The following TENM4 variants were observed in gnomAD, a reference collection of about 807,000 sequenced individuals.
The protein encoded by TENM4 is teneurin-4.
Under a neutral mutation model 243.3 loss-of-function variants are expected in TENM4, and 82 were observed. The observed-to-expected ratio is 0.34, with a 90% confidence interval of 0.28 to 0.40. The LOEUF (loss-of-function observed/expected upper bound fraction) is 0.40. Among genes scored for constraint, TENM4 ranks in the 10% least tolerant of loss-of-function variants. The probability of loss-of-function intolerance (pLI) is 1.00; values close to 1 mark genes in which losing one functional copy is unlikely to be tolerated. For missense variants in TENM4, 3,138 were observed against 3,673.3 expected, an observed-to-expected ratio of 0.85 and a Z score of 3.77; for synonymous variants, 1,412 against 1,456.3, an observed-to-expected ratio of 0.97 and a Z score of 0.69.
chr11:79,213,147 T>G (rs1863984156), intron 3 of TENM4, among the ~76,000 whole-genome samples: 1 of 152,098 alleles, frequency 6.6e-6, no homozygotes, highest in Middle Eastern at 3.4e-3. Context: ...GAGCTAGTGG[T>G]GGGAGGAGAA....
intron 6 of TENM4, among the ~76,000 whole-genome samples, chr11:79,050,248 G>A (rs937050795): frequency 6.6e-6 from 1 of 152,100 alleles, no homozygotes; most frequent in Non-Finnish European, 1.5e-5. Flanking sequence ...GAAATCTGGG[G>A]AAAAAAGTGA....
chr11:79,188,168 C>G (rs1453684645), intron 3 of TENM4, among the ~76,000 whole-genome samples: 1 of 152,216 alleles, frequency 6.6e-6, no homozygotes, highest in African/African-American at 2.4e-5. Flanking sequence ...ACTTTCTCCA[C>G]AGCTGCAAAT....
chr11:79,003,299 C>A (rs1465069206), intron 6 of TENM4, among the ~76,000 whole-genome samples: 1 of 151,640 alleles, frequency 6.6e-6, no homozygotes, highest in Non-Finnish European at 1.5e-5. Flanking sequence ...AAAATGTAGA[C>A]AACCCTTGTG....
chr11:78,764,761 A>T (rs1258191227), intron 18 of TENM4, among the ~76,000 whole-genome samples: 1 of 152,142 alleles, frequency 6.6e-6, no homozygotes, highest in Admixed American at 6.6e-5. Context: ...CCTCTAAAGG[A>T]TTTGGTGTAG....
chr11:79,428,412 T>C (rs530564805), intron 1 of TENM4, among the ~76,000 whole-genome samples: 2 of 152,354 alleles, frequency 1.3e-5, no homozygotes, highest in South Asian at 4.1e-4. Context: ...GCTAAGTCTC[T>C]GTCACTAACC....
intron 6 of TENM4, among the ~76,000 whole-genome samples, chr11:78,914,396 T>G (rs968896489): frequency 6.6e-6 from 1 of 152,164 alleles, no homozygotes; most frequent in East Asian, 1.9e-4. Context: ...GGAAGATGAA[T>G]GACAACCAAG....
intron 6 of TENM4, among the ~76,000 whole-genome samples, chr11:78,930,263 A>C (rs115842529): frequency 8.5e-4 from 130 of 152,310 alleles, no homozygotes; most frequent in Middle Eastern, 6.8e-3. Flanking sequence ...TGAATGACTT[A>C]GAAAGGAAGA....
chr11:79,339,109 A>G (rs528337596), intron 1 of TENM4, among the ~76,000 whole-genome samples: 1 of 152,342 alleles, frequency 6.6e-6, no homozygotes, highest in South Asian at 2.1e-4. Flanking sequence ...CCTGTACTCC[A>G]ACTCCAGCAT....
At chr11:78,725,027 T>G (rs1855482049) in intron 23 of TENM4, among the ~76,000 whole-genome samples, 1 of 152,208 alleles carries the variant, frequency 6.6e-6, no homozygotes, top group South Asian at 2.1e-4. Context: ...AAGCAAACTT[T>G]ATTTCCAATT....
At chr11:78,899,559 C>CGGGGG (rs112067150) in intron 7 of TENM4, among the ~76,000 whole-genome samples, 13 of 29,594 alleles carry the variant, frequency 4.4e-4, no homozygotes, top group African/African-American at 7.9e-4. Context: ...TCTCAAAAAG[C>CGGGGG]GGGGGGGGGG....
intron 12 of TENM4, among the ~76,000 whole-genome samples, chr11:78,851,442 T>C (rs1466790749): frequency 6.6e-6 from 1 of 152,254 alleles, no homozygotes; most frequent in Non-Finnish European, 1.5e-5. Context: ...TGCCTCACTG[T>C]GCCTATGGTT....
intron 33 of TENM4, among the ~76,000 whole-genome samples, chr11:78,661,232 T>C (rs892250009): frequency 5.3e-5 from 8 of 152,244 alleles, no homozygotes; most frequent in African/African-American, 1.9e-4. Context: ...CAAAGCTCCT[T>C]ACTGCAGCTT....
intron 12 of TENM4, among the ~76,000 whole-genome samples, chr11:78,850,081 G>GTGTC (rs528695359): frequency 2.8e-4 from 43 of 152,208 alleles, no homozygotes; most frequent in African/African-American, 9.9e-4. Context: ...GTGTGTGTGT[G>GTGTC]TGTGTAAATG....
intron 3 of TENM4, among the ~76,000 whole-genome samples, chr11:79,212,862 C>A (rs1863979530): frequency 6.6e-6 from 1 of 152,182 alleles, no homozygotes; most frequent in Admixed American, 6.5e-5. Context: ...GCTAAGTTGG[C>A]AACAAGTCTC....
At chr11:79,324,099 A>G (rs1048381071) in intron 1 of TENM4, among the ~76,000 whole-genome samples, 1 of 152,186 alleles carries the variant, frequency 6.6e-6, no homozygotes, top group African/African-American at 2.4e-5. Flanking sequence ...TATACTTCAA[A>G]TCACCTATAG....
chr11:78,927,431 C>T (rs143012659), intron 6 of TENM4, among the ~76,000 whole-genome samples: 15 of 152,238 alleles, frequency 9.9e-5, no homozygotes, highest in African/African-American at 3.1e-4. Context: ...TGTCAAGAAA[C>T]ATTAGAACAT....
chr11:78,710,471 G>C (rs935933488), intron 26 of TENM4, among the ~76,000 whole-genome samples: 8 of 152,232 alleles, frequency 5.3e-5, no homozygotes, highest in Non-Finnish European at 1.2e-4. Flanking sequence ...CAGAGGACCA[G>C]GCAGCCTCAA....
chr11:79,129,745 G>A (rs1861961504), intron 4 of TENM4, among the ~76,000 whole-genome samples: 1 of 152,086 alleles, frequency 6.6e-6, no homozygotes, highest in Non-Finnish European at 1.5e-5. Context: ...CCCAAGGAGA[G>A]TCTGAGCTCA....
At chr11:78,684,487 TCTCTC>T (rs1858609205) in intron 29 of TENM4, among the ~76,000 whole-genome samples, 1 of 152,186 alleles carries the variant, frequency 6.6e-6, no homozygotes, top group Non-Finnish European at 1.5e-5. Flanking sequence ...GTGTCTCTTG[TCTCTC>T]CTCTATCTCC....
Sources: allele counts gnomAD v4.1 joint callset (sites outside exome capture counted in the v4.1 genomes callset), GRCh38; gene constraint gnomAD v4.1.1; transcripts MANE v1.5; gene names NCBI Gene and HGNC (gene_info 2026-07-23, HGNC 2026-07-21).